CDKL5: variants seen among roughly 807,000 people sequenced by gnomAD.
CDKL5 encodes cyclin dependent kinase like 5.
Under a neutral mutation model 61.7 loss-of-function variants are expected in CDKL5, and 8 were observed. The observed-to-expected ratio is 0.13, with a 90% CI of 0.08 to 0.23. CDKL5 has a LOEUF of 0.23. Among genes scored for constraint, CDKL5 ranks in the 10% least tolerant of loss-of-function variants. The pLI is 1.00. For missense variants in CDKL5, 440 were observed against 734.5 expected, an observed-to-expected ratio of 0.60 and a Z score of 4.63; for synonymous variants, 275 against 272.3, an observed-to-expected ratio of 1.01 and a Z score of -0.10.
intron 1 of CDKL5, among the ~76,000 whole-genome samples, chrX:18,482,158 T>G (rs765723557): frequency 7.2e-5 from 8 of 111,420 alleles, no homozygotes; most frequent in Non-Finnish European, 1.3e-4. Context: ...TCTTTCCTTC[T>G]TTTTTTGTAT....
chrX:18,545,812 G>A (rs1924173179), intron 3 of CDKL5, among the ~76,000 whole-genome samples: 1 of 111,965 alleles, frequency 8.9e-6, no homozygotes, highest in African/African-American at 3.3e-5. Flanking sequence ...CCCACAATGT[G>A]ATTTATCTGA....
intron 3 of CDKL5, among the ~76,000 whole-genome samples, chrX:18,518,694 C>T (rs1380030839): frequency 9.1e-6 from 1 of 109,837 alleles, no homozygotes; most frequent in Non-Finnish European, 1.9e-5. Context: ...AGCCATCGCC[C>T]CAGCCCTAAA....
chrX:18,612,265 C>T (rs987194215), intron 14 of CDKL5, among the ~76,000 whole-genome samples: 2 of 111,750 alleles, frequency 1.8e-5, no homozygotes, highest in South Asian at 7.5e-4. Flanking sequence ...TTAATTACTT[C>T]AAACTAAGAA....
chrX:18,466,586 C>T (rs1172998337), intron 1 of CDKL5, among the ~76,000 whole-genome samples: 1 of 111,262 alleles, frequency 9.0e-6, no homozygotes, highest in Non-Finnish European at 1.9e-5. Flanking sequence ...CTCATTGCAA[C>T]CTCAGCCTTG....
intron 1 of CDKL5, among the ~76,000 whole-genome samples, chrX:18,430,743 C>T (rs1028317779): frequency 2.3e-4 from 26 of 111,694 alleles, no homozygotes; most frequent in African/African-American, 8.1e-4. Flanking sequence ...CTGCGCCCAC[C>T]GCTTGTTGTG....
intron 6 of CDKL5, among the ~76,000 whole-genome samples, chrX:18,581,424 G>A (rs766365090): frequency 1.5e-4 from 17 of 111,942 alleles, no homozygotes; most frequent in Non-Finnish European, 2.4e-4. Context: ...TAGAAATTAT[G>A]TAGAAGAATG....
chrX:18,557,753 TTAAG>T (rs1239490613), intron 3 of CDKL5, among the ~76,000 whole-genome samples: 3 of 111,940 alleles, frequency 2.7e-5, no homozygotes, highest in Admixed American at 9.5e-5. Flanking sequence ...TGCCAGAATC[TTAAG>T]TAAGGCACAA....
At chrX:18,495,310 A>G (rs1005098386) in intron 1 of CDKL5, among the ~76,000 whole-genome samples, 11 of 112,587 alleles carry the variant, frequency 9.8e-5, no homozygotes, top group African/African-American at 3.5e-4. Context: ...TTCAAGGCCC[A>G]GGCAGCTCTT....
chrX:18,507,083 A>T lies in CDKL5; in HGVS notation c.-14A>T. On this transcript the variant is annotated 5_prime_UTR_variant, in exon 2 of 18. Coordinates refer to ENST00000623535, the MANE Select transcript of CDKL5 (RefSeq NM_001323289.2). ...CATGTTTTGTGGCTTGCATCAAAAG[A>T]GGAGTTTGTCTTCATGAAGATTCCT... 1 of 1,166,559 alleles carries T rather than the reference A, an allele frequency of 8.6e-7. No individual in the cohort carries two copies. The highest frequency in any genetic ancestry group is 1.2e-6 in the Non-Finnish European group (1 of 854,587).
At chrX:18,573,522 A>G (rs1392751413) in intron 4 of CDKL5, among the ~76,000 whole-genome samples, 1 of 112,166 alleles carries the variant, frequency 8.9e-6, no homozygotes, top group Non-Finnish European at 1.9e-5. Flanking sequence ...CCAATGCTCT[A>G]AGCTACTTTG....
intron 3 of CDKL5, among the ~76,000 whole-genome samples, chrX:18,544,258 T>C (rs189449726): frequency 8.9e-6 from 1 of 111,974 alleles, no homozygotes; most frequent in African/African-American, 3.2e-5. Context: ...GTTCTCTCCA[T>C]GGGCAGGAGA....
intron 12 of CDKL5, among the ~76,000 whole-genome samples, chrX:18,607,081 A>G (rs937530626): frequency 1.8e-5 from 2 of 111,657 alleles, no homozygotes; most frequent in Non-Finnish European, 3.8e-5. Flanking sequence ...AGTTTACCCA[A>G]CCAGCTCAGG....
chrX:18,493,845 AGATGTCT>A (rs774855228), intron 1 of CDKL5, among the ~76,000 whole-genome samples: 97 of 112,409 alleles, frequency 8.6e-4, no homozygotes, highest in African/African-American at 3.1e-3. Context: ...ATTTTCATGA[AGATGTCT>A]TCAAAATCCT....
At chrX:18,642,003 A>G (rs377299974), downstream of CDKL5, 8 of 1,209,538 alleles carry the variant, frequency 6.6e-6, no homozygotes, top group African/African-American at 1.4e-4. Flanking sequence ...TGAGGCAGGC[A>G]TCAGGCACAC....
chrX:18,561,557 C>T (rs1924805549), intron 3 of CDKL5, among the ~76,000 whole-genome samples: 1 of 110,742 alleles, frequency 9.0e-6, no homozygotes, highest in Non-Finnish European at 1.9e-5. Context: ...TGTCAATAAC[C>T]TCAGATTAAT....
chrX:18,577,471 A>G (rs1221789663), intron 5 of CDKL5, among the ~76,000 whole-genome samples: 5 of 112,276 alleles, frequency 4.5e-5, no homozygotes, highest in African/African-American at 1.3e-4. Flanking sequence ...AGGGACTGGT[A>G]ACAGAGACCC....
intron 1 of CDKL5, among the ~76,000 whole-genome samples, chrX:18,461,983 A>G (rs1472334889): frequency 2.7e-5 from 3 of 111,221 alleles, no homozygotes; most frequent in African/African-American, 6.5e-5. Context: ...AGCTTATCCA[A>G]CCCGCGGTCT....
intron 11 of CDKL5, among the ~76,000 whole-genome samples, chrX:18,601,374 C>T (rs1039695599): frequency 2.7e-5 from 3 of 112,486 alleles, no homozygotes; most frequent in African/African-American, 9.7e-5. Context: ...TTAACTAAAT[C>T]GTTATCTATC....
At chrX:18,646,629 C>T (rs1602312121) in intron 20 of CDKL5, among the ~76,000 whole-genome samples, 2 of 111,802 alleles carry the variant, frequency 1.8e-5, no homozygotes, top group Admixed American at 9.5e-5. Flanking sequence ...AGGTCCTGCA[C>T]CATCTGACCT....
Sources: allele counts gnomAD v4.1 joint callset (sites outside exome capture counted in the v4.1 genomes callset), GRCh38; gene constraint gnomAD v4.1.1; transcripts MANE v1.5; gene names NCBI Gene and HGNC (gene_info 2026-07-23, HGNC 2026-07-21).